Variants in MSRB3 observed in about 807,000 individuals in gnomAD.
MSRB3 encodes the protein methionine sulfoxide reductase B3.
Under a neutral mutation model 21.0 loss-of-function variants are expected in MSRB3, and 13 were observed. That is an observed-to-expected ratio of 0.62 (90% confidence interval 0.40 to 0.98). MSRB3 has a LOEUF of 0.98. MSRB3 is among the 50% of genes least tolerant of loss of function. MSRB3 has a pLI of 0.00. For missense variants in MSRB3, 199 were observed against 230.3 expected (o/e 0.86, Z 0.88); for synonymous variants, 87 against 88.6 (o/e 0.98, Z 0.10).
At chr12:65,445,768 CCAGGGTAG>C in intron 5 of MSRB3, among the ~76,000 whole-genome samples, 2 of 151,708 alleles carry the variant, frequency 1.3e-5, no homozygotes, top group Admixed American at 1.3e-4. Flanking sequence ...ACCTCAGCCT[CCAGGGTAG>C]CTGGGACTAG....
chr12:65,360,513 T>A (rs1410691735), intron 4 of MSRB3, among the ~76,000 whole-genome samples: 1 of 152,114 alleles, frequency 6.6e-6, no homozygotes, highest in Non-Finnish European at 1.5e-5. Context: ...ACAAATTATT[T>A]ATTTTTTCAG....
At chr12:65,436,560 C>T (rs1030664169) in intron 5 of MSRB3, among the ~76,000 whole-genome samples, 1 of 151,630 alleles carries the variant, frequency 6.6e-6, no homozygotes, top group African/African-American at 2.4e-5. Flanking sequence ...TTCAAGAAAC[C>T]CTGATTTGGG....
At chr12:65,430,348 G>C (rs997338905) in intron 5 of MSRB3, among the ~76,000 whole-genome samples, 1 of 152,136 alleles carries the variant, frequency 6.6e-6, no homozygotes, top group Non-Finnish European at 1.5e-5. Context: ...AATTAAATAA[G>C]AGTAATTTGC....
chr12:65,392,631 G>C (rs75259144), intron 5 of MSRB3, among the ~76,000 whole-genome samples: 2,740 of 152,200 alleles, frequency 0.018, 92 homozygotes, highest in African/African-American at 0.063. Flanking sequence ...CAAGAAATGC[G>C]ATCCTCTCAA....
chr12:65,352,964 C>T (rs1877123559), intron 4 of MSRB3, among the ~76,000 whole-genome samples: 1 of 151,936 alleles, frequency 6.6e-6, no homozygotes, highest in Non-Finnish European at 1.5e-5. Flanking sequence ...GAAAAAACTA[C>T]TTTAAAGTTC....
chr12:65,385,645 A>G (rs1405504389), intron 5 of MSRB3, among the ~76,000 whole-genome samples: 1 of 152,008 alleles, frequency 6.6e-6, no homozygotes, highest in Non-Finnish European at 1.5e-5. Flanking sequence ...TTTGGGACAG[A>G]GGCCCGTTAA....
At chr12:65,302,263 A>G (rs1873379710) in intron 1 of MSRB3, among the ~76,000 whole-genome samples, 1 of 152,190 alleles carries the variant, frequency 6.6e-6, no homozygotes, top group South Asian at 2.1e-4. Context: ...GTAAAGATAT[A>G]GAGATGAAAG....
chr12:65,400,547 T>G (rs892581716), intron 5 of MSRB3, among the ~76,000 whole-genome samples: 19 of 152,176 alleles, frequency 1.2e-4, no homozygotes, highest in African/African-American at 4.6e-4. Context: ...TTGTTATTCT[T>G]TTCAAAAAAC....
intron 4 of MSRB3, among the ~76,000 whole-genome samples, chr12:65,356,822 G>A (rs989499393): frequency 1.3e-5 from 2 of 151,752 alleles, no homozygotes; most frequent in Admixed American, 1.3e-4. Flanking sequence ...TGGGCCCAGG[G>A]AACAAGTGGT....
At chr12:65,304,007 T>C (rs2136416171) in intron 1 of MSRB3, among the ~76,000 whole-genome samples, 1 of 152,164 alleles carries the variant, frequency 6.6e-6, no homozygotes, top group East Asian at 1.9e-4. Context: ...AGCAGCTGAG[T>C]GTAGAACTTT....
At chr12:65,388,316 C>A (rs1879297198) in intron 5 of MSRB3, among the ~76,000 whole-genome samples, 1 of 151,948 alleles carries the variant, frequency 6.6e-6, no homozygotes, top group African/African-American at 2.4e-5. Context: ...GCCCACACTG[C>A]AGCTAAATGA....
At chr12:65,443,777 G>T (rs768394689) in intron 5 of MSRB3, among the ~76,000 whole-genome samples, 24 of 151,714 alleles carry the variant, frequency 1.6e-4, no homozygotes, top group South Asian at 2.1e-4. Flanking sequence ...TCACATTGTT[G>T]TGCAACCATC....
chr12:65,329,733 T>G (rs1875289344), intron 4 of MSRB3, among the ~76,000 whole-genome samples: 1 of 152,164 alleles, frequency 6.6e-6, no homozygotes, highest in Non-Finnish European at 1.5e-5. Context: ...GATCTGATAC[T>G]TGTAGCTAAA....
At chr12:65,309,004 AT>A in intron 2 of MSRB3, 1 of 309,356 alleles carries the variant, frequency 3.2e-6, no homozygotes. Context: ...AAAATAGGAC[AT>A]TCATCTTGTT....
intron 5 of MSRB3, among the ~76,000 whole-genome samples, chr12:65,390,358 A>T (rs1210187357): frequency 6.6e-6 from 1 of 152,130 alleles, no homozygotes; most frequent in African/African-American, 2.4e-5. Context: ...CGCTGTTTGT[A>T]TTTTCTTTTA....
At chr12:65,310,532 A>G (rs1286815513) in intron 2 of MSRB3, among the ~76,000 whole-genome samples, 1 of 152,178 alleles carries the variant, frequency 6.6e-6, no homozygotes, top group Non-Finnish European at 1.5e-5. Flanking sequence ...TCCTCTGGAA[A>G]AAGCTCCAAT....
intron 1 of MSRB3, chr12:65,307,126 C>A (rs377386984): frequency 2.8e-5 from 21 of 762,690 alleles, no homozygotes; most frequent in African/African-American, 1.9e-5. Flanking sequence ...GACCTTTGAT[C>A]TTTTATTAGT....
intron 5 of MSRB3, among the ~76,000 whole-genome samples, chr12:65,375,586 A>C (rs1262897187): frequency 6.6e-6 from 1 of 151,768 alleles, no homozygotes; most frequent in East Asian, 1.9e-4. Context: ...ACAGGTGCAC[A>C]CCACCATGCC....
intron 5 of MSRB3, among the ~76,000 whole-genome samples, chr12:65,446,153 G>T (rs1359887105): frequency 6.6e-6 from 1 of 152,100 alleles, no homozygotes; most frequent in Admixed American, 6.5e-5. Flanking sequence ...CCTTATATTT[G>T]CAATGGCAGG....
Sources: allele counts gnomAD v4.1 joint callset (sites outside exome capture counted in the v4.1 genomes callset), GRCh38; gene constraint gnomAD v4.1.1; transcripts MANE v1.5; gene names NCBI Gene and HGNC (gene_info 2026-07-23, HGNC 2026-07-21).